The following RIN2 variants were observed in gnomAD, a reference collection of about 807,000 sequenced individuals.
The protein encoded by RIN2 is Ras and Rab interactor 2, also known as RAB5 interacting protein 2.
In RIN2, 36 loss-of-function variants were observed where a neutral mutation model predicts 78.0. The observed-to-expected ratio is 0.46, with a 90% confidence interval of 0.35 to 0.61. The LOEUF (loss-of-function observed/expected upper bound fraction) is 0.61. Among genes scored for constraint, RIN2 ranks in the 20% least tolerant of loss-of-function variants. RIN2 has a pLI of 0.00. For missense variants in RIN2, 1,087 were observed against 1,159.7 expected, an observed-to-expected ratio of 0.94 and a Z score of 0.91; for synonymous variants, 466 against 466.8, an observed-to-expected ratio of 1.00 and a Z score of 0.02.
intron 3 of RIN2, among the ~76,000 whole-genome samples, chr20:19,907,255 T>G (rs1310763951): frequency 6.6e-6 from 1 of 152,188 alleles, no homozygotes; most frequent in East Asian, 1.9e-4. Flanking sequence ...CCCTTTGACC[T>G]ATTTACCTCC....
chr20:20,001,362 C>CTTTTTTTTTTTTTTTTTTTTTTT lies in RIN2; in HGVS notation c.*430_*452dup, dbSNP rs57852545. 2.8e-4 allele frequency: 26 copies of CTTTTTTTTTTTTTTTTTTTTTTT among 94,232 alleles called. 1 individual carries two copies. The highest frequency in any genetic ancestry group is 4.1e-4 in the Non-Finnish European group (20 of 49,244). 5.8% of individuals were successfully genotyped at this position (94,232 alleles called of 1,614,324 possible). On this transcript the variant is annotated 3_prime_UTR_variant, in exon 13 of 13. Coordinates refer to ENST00000255006, the MANE Select transcript of RIN2 (RefSeq NM_018993.4). ...CCCTGCCTTCCTTCCTTTCTTTTTCCTTTTTTTTTTTTTTTTTTTTTTTTT... is the reference window on the plus strand; with the variant it reads ...CCCTGCCTTCCTTCCTTTCTTTTTCCTTTTTTTTTTTTTTTTTTTTTTTTTTTTTTTTTTTTTTTTTTTTTTTT...
chr20:19,978,734 G>C (rs966843765), intron 9 of RIN2, among the ~76,000 whole-genome samples: 6 of 152,174 alleles, frequency 3.9e-5, no homozygotes, highest in Non-Finnish European at 7.4e-5. Flanking sequence ...GCTCGTTCCT[G>C]TGTGTGCCAG....
chr20:19,798,248 C>T (rs2035124698), intron 1 of RIN2, among the ~76,000 whole-genome samples: 2 of 152,216 alleles, frequency 1.3e-5, no homozygotes, highest in East Asian at 1.9e-4. Context: ...AGTAATTTAC[C>T]TGAGCAACTC....
At chr20:19,817,913 T>C (rs1375921895) in intron 2 of RIN2, among the ~76,000 whole-genome samples, 1 of 152,220 alleles carries the variant, frequency 6.6e-6, no homozygotes, top group African/African-American at 2.4e-5. Context: ...AAAATGTGAA[T>C]TAAAATAACG....
At chr20:19,800,427 A>G (rs1349097920) in intron 2 of RIN2, among the ~76,000 whole-genome samples, 1 of 152,208 alleles carries the variant, frequency 6.6e-6, no homozygotes, top group Admixed American at 6.5e-5. Context: ...AGCAGGACAC[A>G]GTGACTGCCT....
In RIN2 at chr20:19,809,022, G is replaced by A. The variant is rs187417796; in HGVS notation, c.-37+9275G>A. ...GTCACCCATGCCACAGGCCAGTCCT[G>A]GATTGCTCCAAACCCTCTGCCTAGG... On this transcript the variant is annotated intron_variant, in intron 2 of 12. Coordinates refer to ENST00000255006, the MANE Select transcript of RIN2 (RefSeq NM_018993.4). Among the ~76,000 whole-genome samples the A allele has an allele frequency of 1.1e-4, 16 of 152,340 alleles. No homozygotes were observed. In the East Asian group the frequency reaches 3.1e-3, roughly 29 times the overall value.
intron 1 of RIN2, among the ~76,000 whole-genome samples, chr20:19,781,781 A>G (rs1400425981): frequency 3.8e-5 from 5 of 132,772 alleles, no homozygotes; most frequent in East Asian, 2.2e-4. Context: ...AAGATTATAC[A>G]CTTTTTTTTT....
At chr20:19,909,142 G>A (rs780871350) in intron 3 of RIN2, among the ~76,000 whole-genome samples, 4 of 152,134 alleles carry the variant, frequency 2.6e-5, no homozygotes, top group Non-Finnish European at 4.4e-5. Context: ...GTGATTACAG[G>A]TGTGAGCCAC....
At chr20:19,901,751 C>T (rs931469985) in intron 3 of RIN2, among the ~76,000 whole-genome samples, 5 of 151,958 alleles carry the variant, frequency 3.3e-5, no homozygotes, top group African/African-American at 9.7e-5. Context: ...GTGCGGTGGC[C>T]CACACCTGTA....
chr20:19,837,160 G>A (rs902699538), intron 2 of RIN2, among the ~76,000 whole-genome samples: 5 of 122,352 alleles, frequency 4.1e-5, no homozygotes, highest in East Asian at 4.7e-4. Flanking sequence ...ATCACACACC[G>A]CCCCCCCCAA....
intron 4 of RIN2, among the ~76,000 whole-genome samples, chr20:19,941,218 T>C (rs117852316): frequency 2.0e-3 from 312 of 152,282 alleles, no homozygotes; most frequent in Non-Finnish European, 3.7e-3. Context: ...AGCTTCCCAG[T>C]GGCTATGTGA....
intron 9 of RIN2, among the ~76,000 whole-genome samples, chr20:19,989,279 T>TC (rs1436453176): frequency 1.3e-5 from 2 of 148,784 alleles, no homozygotes; most frequent in East Asian, 4.0e-4. Context: ...ATTCTTTTTT[T>TC]TTTTTTTTTT....
At chr20:19,992,448 C>A in intron 11 of RIN2, 149 bp downstream of exon 11, 1 of 782,928 alleles carries the variant, frequency 1.3e-6, no homozygotes, top group Non-Finnish European at 1.9e-6. Context: ...ATGCATTCTC[C>A]ACCTTTATTT....
intron 2 of RIN2, among the ~76,000 whole-genome samples, chr20:19,855,768 TC>T (rs2037144130): frequency 6.6e-6 from 1 of 151,868 alleles, no homozygotes; most frequent in African/African-American, 2.4e-5. Flanking sequence ...GGGAAAAAAA[TC>T]CCAGAGACAA....
intron 1 of RIN2, among the ~76,000 whole-genome samples, chr20:19,776,049 C>T (rs1334359812): frequency 2.0e-5 from 3 of 152,172 alleles, no homozygotes; most frequent in Non-Finnish European, 4.4e-5. Flanking sequence ...CAACCATTAA[C>T]TTCTTTTCAT....
At chr20:19,830,731 C>G (rs867090425) in intron 2 of RIN2, among the ~76,000 whole-genome samples, 1 of 152,202 alleles carries the variant, frequency 6.6e-6, no homozygotes, top group South Asian at 2.1e-4. Flanking sequence ...ACTTGTTGCC[C>G]GGCTGCTGGG....
intron 11 of RIN2, among the ~76,000 whole-genome samples, chr20:19,996,438 G>GCT (rs2042968273): frequency 1.3e-5 from 2 of 152,188 alleles, no homozygotes; most frequent in Admixed American, 6.5e-5. Flanking sequence ...GCTTGTCTGT[G>GCT]CCCCCTTGGC....
chr20:19,783,976 G>A (rs192682505), intron 1 of RIN2, among the ~76,000 whole-genome samples: 4 of 152,176 alleles, frequency 2.6e-5, no homozygotes, highest in African/African-American at 9.7e-5. Context: ...GAGGGGACAC[G>A]AGCAGCACCT....
chr20:19,806,248 G>A (rs1310363394), intron 2 of RIN2, among the ~76,000 whole-genome samples: 1 of 152,164 alleles, frequency 6.6e-6, no homozygotes, highest in Non-Finnish European at 1.5e-5. Context: ...TAATGGGATT[G>A]CTGGGTCAAA....
Sources: allele counts gnomAD v4.1 joint callset (sites outside exome capture counted in the v4.1 genomes callset), GRCh38; gene constraint gnomAD v4.1.1; transcripts MANE v1.5; gene names NCBI Gene and HGNC (gene_info 2026-07-23, HGNC 2026-07-21).